Variants in AP3B1 observed in about 807,000 individuals in gnomAD.
AP3B1 encodes the protein AP-3 complex subunit beta-1.
AP3B1 carries 61 observed loss-of-function variants against 132.5 expected under a neutral mutation model. That is an observed-to-expected ratio of 0.46 (90% confidence interval 0.37 to 0.57). The LOEUF is 0.57. Among genes scored for constraint, AP3B1 ranks in the 20% least tolerant of loss-of-function variants. AP3B1 has a pLI of 0.00. For missense variants in AP3B1, 1,120 were observed against 1,289.4 expected (o/e 0.87, Z 2.01); for synonymous variants, 388 against 438.3 (o/e 0.89, Z 1.43).
intron 2 of AP3B1, among the ~76,000 whole-genome samples, chr5:78,242,103 C>T (rs1747163306): frequency 6.6e-6 from 1 of 152,092 alleles, no homozygotes; most frequent in African/African-American, 2.4e-5. Flanking sequence ...ACATGTCAGC[C>T]CCCGTAAAAG....
At chr5:78,208,669 G>A (rs572584682) in intron 7 of AP3B1, among the ~76,000 whole-genome samples, 19 of 152,272 alleles carry the variant, frequency 1.2e-4, no homozygotes, top group African/African-American at 4.6e-4. Flanking sequence ...ATTTAAATAA[G>A]TGGGAGGGGT....
chr5:78,292,000 T>C (rs748691229), intron 1 of AP3B1, among the ~76,000 whole-genome samples: 3 of 152,096 alleles, frequency 2.0e-5, no homozygotes, highest in Admixed American at 6.6e-5. Flanking sequence ...TGAATATGCA[T>C]GGGGAGAGTG....
chr5:78,267,648 G>T, intron 1 of AP3B1, 53 bp from the exon 2 acceptor site: 1 of 1,052,994 alleles, frequency 9.5e-7, no homozygotes, highest in Non-Finnish European at 1.4e-6. Context: ...ATATTAGATA[G>T]CTTAAAATAT....
chr5:78,193,734 ATATATTTTTT>A (rs1744939719), intron 7 of AP3B1, among the ~76,000 whole-genome samples: 2 of 74,474 alleles, frequency 2.7e-5, no homozygotes, highest in African/African-American at 4.9e-5. Flanking sequence ...AAATATTTGT[ATATATTTTTT>A]TATATATATA....
chr5:78,283,166 A>T (rs1749130521), intron 1 of AP3B1, among the ~76,000 whole-genome samples: 1 of 152,134 alleles, frequency 6.6e-6, no homozygotes, highest in Non-Finnish European at 1.5e-5. Context: ...TATCATCCTC[A>T]TCCCCATTTT....
In AP3B1 at chr5:78,206,329, T is replaced by TA. The variant is rs533797799; in HGVS notation, c.786+9725dup. 2.3e-3 allele frequency among the ~76,000 whole-genome samples: 353 copies of TA among 152,296 alleles called. 2 individuals carry two copies. The highest frequency in any genetic ancestry group is 8.3e-3 in the African/African-American group (343 of 41,556). ...GGGAACAGGAGGTGTACTCCTGAGA[T>TA]AAAAAAATTTTGTCAGAACACTTCA... On this transcript the variant is annotated intron_variant, in intron 7 of 26. Transcript: ENST00000255194.
At chr5:78,170,692 C>T (rs113793053) in intron 11 of AP3B1, among the ~76,000 whole-genome samples, 25 of 152,304 alleles carry the variant, frequency 1.6e-4, no homozygotes, top group African/African-American at 6.0e-4. Flanking sequence ...GGCCTGTTCA[C>T]TCTGAAGGAA....
intron 22 of AP3B1, chr5:78,043,591 T>A: frequency 2.1e-6 from 1 of 482,722 alleles, no homozygotes; most frequent in South Asian, 1.7e-5. Flanking sequence ...CTGTCTGGTC[T>A]TCTTTAAGGT....
intron 14 of AP3B1, among the ~76,000 whole-genome samples, chr5:78,154,387 T>G (rs921382079): frequency 2.0e-5 from 3 of 152,198 alleles, no homozygotes; most frequent in Admixed American, 6.5e-5. Flanking sequence ...TTCCCATCCT[T>G]GACCTTTGGG....
intron 3 of AP3B1, among the ~76,000 whole-genome samples, chr5:78,237,738 G>A (rs531463489): frequency 1.3e-5 from 2 of 152,108 alleles, no homozygotes; most frequent in Admixed American, 6.5e-5. Flanking sequence ...ACCTGAACCC[G>A]GCAGGCAGAG....
At chr5:78,242,488 C>A (rs1157912248) in intron 2 of AP3B1, among the ~76,000 whole-genome samples, 8 of 152,164 alleles carry the variant, frequency 5.3e-5, no homozygotes, top group Admixed American at 1.3e-4. Context: ...CTCACTGCAA[C>A]CTCCGCCTCC....
intron 23 of AP3B1, among the ~76,000 whole-genome samples, chr5:78,037,320 A>T (rs992174498): frequency 2.0e-5 from 3 of 152,152 alleles, no homozygotes; most frequent in Admixed American, 6.5e-5. Flanking sequence ...ACTAGGTAAA[A>T]AAGGTTGAAT....
intron 7 of AP3B1, among the ~76,000 whole-genome samples, chr5:78,197,026 G>C (rs1387367033): frequency 6.6e-6 from 1 of 152,054 alleles, no homozygotes; most frequent in African/African-American, 2.4e-5. Flanking sequence ...GTGGACTTTG[G>C]GTGACAACAA....
Position 78,058,462 on chromosome 5 carries a change from T to C in AP3B1, c.2578-19188A>G, listed in dbSNP as rs145228094. ...TTGCAGTGAGCCGAGACCGCGCCAT[T>C]GCACTGCAGCCTGGACGACAGAGTG... On this transcript the variant is annotated intron_variant, in intron 22 of 26. Transcript: ENST00000255194. Among the ~76,000 whole-genome samples the C allele has an allele frequency of 8.7e-3, 1,316 of 152,102 alleles. 12 individuals carry two copies. The highest frequency in any genetic ancestry group is 0.024 in the Middle Eastern group (7 of 294).
intron 15 of AP3B1, 21 bp downstream of exon 15, chr5:78,141,122 T>G (rs1753127126): frequency 1.2e-6 from 2 of 1,609,714 alleles, no homozygotes; most frequent in Non-Finnish European, 1.7e-6. Flanking sequence ...TTAGATAGGT[T>G]GACTAACATT....
intron 22 of AP3B1, among the ~76,000 whole-genome samples, chr5:78,040,624 A>G (rs1748036830): frequency 6.6e-6 from 1 of 152,120 alleles, no homozygotes; most frequent in African/African-American, 2.4e-5. Context: ...CTTTCTTTCC[A>G]TTCAAAATAT....
At chr5:78,246,345 G>T (rs1747379505) in intron 2 of AP3B1, among the ~76,000 whole-genome samples, 1 of 152,136 alleles carries the variant, frequency 6.6e-6, no homozygotes. Flanking sequence ...ATGTTCATGA[G>T]GGAGATGGAC....
intron 23 of AP3B1, among the ~76,000 whole-genome samples, chr5:78,034,721 T>G (rs1480338447): frequency 2.6e-5 from 4 of 152,034 alleles, no homozygotes; most frequent in African/African-American, 4.8e-5. Context: ...AGAAATGTCA[T>G]GTTTTCTAAT....
chr5:78,194,662 TAATA>T (rs78186001), intron 7 of AP3B1, among the ~76,000 whole-genome samples: 9 of 152,142 alleles, frequency 5.9e-5, no homozygotes, highest in Non-Finnish European at 1.2e-4. Flanking sequence ...TTAAAACAAC[TAATA>T]AATAAATAAA....
Sources: allele counts gnomAD v4.1 joint callset (sites outside exome capture counted in the v4.1 genomes callset), GRCh38; gene constraint gnomAD v4.1.1; transcripts MANE v1.5; gene names NCBI Gene and HGNC (gene_info 2026-07-23, HGNC 2026-07-21).